SPAG6: variants seen among roughly 807,000 people sequenced by gnomAD.
SPAG6 encodes sperm-associated antigen 6.
A neutral mutation model predicts 58.5 loss-of-function variants in SPAG6; 49 were observed. That is an observed-to-expected ratio of 0.84 (90% CI 0.67 to 1.06). The LOEUF (loss-of-function observed/expected upper bound fraction) is 1.06, where lower values mean the gene tolerates loss of function less well. Among genes scored for constraint, SPAG6 ranks in the 50% least tolerant of loss-of-function variants. The pLI is 0.00. For missense variants in SPAG6, 560 were observed against 611.3 expected, an observed-to-expected ratio of 0.92 and a Z score of 0.89; for synonymous variants, 233 against 225.6, an observed-to-expected ratio of 1.03 and a Z score of -0.29.
At chr10:22,376,335 CA>C (rs1193198086) in intron 4 of SPAG6, among the ~76,000 whole-genome samples, 3 of 152,010 alleles carry the variant, frequency 2.0e-5, no homozygotes, top group African/African-American at 7.2e-5. Flanking sequence ...ATATTGATTG[CA>C]TGTTGAAATT....
At chr10:22,373,674 G>A (rs1027986443) in intron 4 of SPAG6, among the ~76,000 whole-genome samples, 13 of 152,134 alleles carry the variant, frequency 8.5e-5, no homozygotes, top group African/African-American at 1.2e-4. Context: ...CTTTACTGAC[G>A]CCTATAGATT....
rs1834407338 is a variant in SPAG6 at position 22,401,250 on chromosome 10, G to A, written c.1287G>A (p.Leu429=). The A allele has an allele frequency of 1.3e-6, 2 of 1,585,878 alleles. No homozygotes were observed. Among genetic ancestry groups the A allele is most frequent in the South Asian group, 2.2e-5 (2 of 90,342 alleles). ...PFLYDAPPNI[L]KHVVGQFSKV... ...TATATGATGCTCCTCCCAATATTCT[G>A]AAACATGTGGTTGGACAGTTCAGTA... The change falls in exon 9 of 11, where the codon CTG becomes CTA. Residue 429 remains leucine, a synonymous_variant. Coordinates refer to ENST00000376624, the MANE Select transcript of SPAG6 (RefSeq NM_012443.4).
intron 2 of SPAG6, among the ~76,000 whole-genome samples, chr10:22,352,197 G>A (rs1297956012): frequency 1.3e-5 from 2 of 151,764 alleles, no homozygotes; most frequent in Non-Finnish European, 2.9e-5. Flanking sequence ...AGTGATATGT[G>A]TGTGTGCGTG....
chr10:22,415,830 T>A (rs1834854282), intron 10 of SPAG6, among the ~76,000 whole-genome samples: 1 of 152,160 alleles, frequency 6.6e-6, no homozygotes, highest in Non-Finnish European at 1.5e-5. Context: ...TTCCATAGAT[T>A]TAAAAAATTA....
intron 2 of SPAG6, among the ~76,000 whole-genome samples, chr10:22,346,482 TTC>T (rs1198731982): frequency 2.9e-5 from 4 of 139,796 alleles, no homozygotes; most frequent in African/African-American, 1.3e-4. Flanking sequence ...CTTCTTCTTC[TTC>T]TTCTTCTTCT....
Position 22,386,868 on chromosome 10 carries a change from A to G in SPAG6, c.587A>G (p.Lys196Arg). Reference protein sequence around the residue: ...IAASALSDIAKHSPELAQTVV... With the variant: ...IAASALSDIARHSPELAQTVV... ...GCTTCGGCCCTCAGTGATATTGCAA[A>G]GCATTCTCCAGAGTTAGCACAGACA... Residue 196 changes from lysine to arginine, a missense_variant, in exon 5 of 11, where the codon AAG becomes AGG. Coordinates refer to ENST00000376624, the MANE Select transcript of SPAG6 (RefSeq NM_012443.4). The G allele has an allele frequency of 6.2e-7, 1 of 1,613,778 alleles. No homozygotes were observed. The highest frequency in any genetic ancestry group is 1.7e-5 in the Admixed American group (1 of 59,962).
chr10:22,374,103 ATCT>A (rs1291713288), intron 4 of SPAG6, among the ~76,000 whole-genome samples: 4 of 152,190 alleles, frequency 2.6e-5, no homozygotes, highest in Non-Finnish European at 5.9e-5. Flanking sequence ...GGCTAATAAA[ATCT>A]TCTAATTTTT....
chr10:22,405,844 C>A (rs1396920507), intron 9 of SPAG6, among the ~76,000 whole-genome samples: 3 of 152,216 alleles, frequency 2.0e-5, no homozygotes, highest in Non-Finnish European at 4.4e-5. Context: ...AGAGATTCAA[C>A]TTCTTCCTGG....
chr10:22,371,933 CA>C (rs1833709506), intron 4 of SPAG6, among the ~76,000 whole-genome samples: 1 of 151,890 alleles, frequency 6.6e-6, no homozygotes, highest in Non-Finnish European at 1.5e-5. Context: ...CAACTGTGTA[CA>C]AATCATATCA....
chr10:22,413,708 T>TATATATATATATATATATATA (rs1564384103), intron 10 of SPAG6, among the ~76,000 whole-genome samples: 2 of 150,784 alleles, frequency 1.3e-5, no homozygotes, highest in African/African-American at 5.0e-5. Flanking sequence ...TATATATATA[T>TATATATATATATATATATATA]TTCACCCACA....
intron 2 of SPAG6, among the ~76,000 whole-genome samples, chr10:22,355,496 G>A (rs960429244): frequency 1.3e-5 from 2 of 152,152 alleles, no homozygotes; most frequent in Admixed American, 6.5e-5. Flanking sequence ...TATAGCTAAT[G>A]AGAATAAATT....
At chr10:22,368,765 C>A in intron 4 of SPAG6, 87 bp downstream of exon 4, 1 of 1,020,040 alleles carries the variant, frequency 9.8e-7, no homozygotes. Context: ...CTTAGTAAAA[C>A]ATAGGTGGGG....
chr10:22,371,141 G>T (rs1184347678), intron 4 of SPAG6, among the ~76,000 whole-genome samples: 1 of 152,178 alleles, frequency 6.6e-6, no homozygotes, highest in Non-Finnish European at 1.5e-5. Flanking sequence ...GAAGCTCCCA[G>T]AAGAGATTAT....
intron 2 of SPAG6, among the ~76,000 whole-genome samples, chr10:22,349,646 TG>T (rs1282476002): frequency 6.6e-6 from 1 of 152,202 alleles, no homozygotes; most frequent in Non-Finnish European, 1.5e-5. Context: ...TTTATATAAG[TG>T]GGGTAAAGTT....
In SPAG6 at chr10:22,391,751, G is replaced by A; in HGVS notation, c.1028G>A (p.Cys343Tyr). 1 of 1,613,442 alleles carries A rather than the reference G, an allele frequency of 6.2e-7. No homozygotes were observed. Among genetic ancestry groups the A allele is most frequent in the African/African-American group, 1.3e-5 (1 of 74,968 alleles). Residue 343 changes from cysteine (C) to tyrosine (Y), a missense_variant, in exon 8 of 11, where the codon TGC (cysteine) becomes TAC (tyrosine). Cys to Tyr is a radical substitution (Grantham distance 194). Coordinates refer to ENST00000376624, the MANE Select transcript of SPAG6 (RefSeq NM_012443.4). ...CAGGGTGTACCCCAGTTGTCAGTCT[G>A]CTTGTCAGAAGAACCGGAAGATCAT... The part of the protein sequence containing the change: ...ISKGVPQLSV[C>Y]LSEEPEDHIK...
At chr10:22,348,797 T>G (rs1002190399) in intron 2 of SPAG6, among the ~76,000 whole-genome samples, 2 of 152,344 alleles carry the variant, frequency 1.3e-5, no homozygotes, top group Admixed American at 6.5e-5. Context: ...GCAAGATCTT[T>G]TCTTCAGAGT....
intron 8 of SPAG6, among the ~76,000 whole-genome samples, chr10:22,396,569 C>A (rs796175929): frequency 1.3e-5 from 2 of 152,134 alleles, no homozygotes; most frequent in Non-Finnish European, 2.9e-5. Flanking sequence ...TATCAATAAT[C>A]CACTAAGGAA....
chr10:22,349,127 G>T (rs1836647529), intron 2 of SPAG6, among the ~76,000 whole-genome samples: 1 of 152,070 alleles, frequency 6.6e-6, no homozygotes, highest in African/African-American at 2.4e-5. Flanking sequence ...GGGATTAAAG[G>T]CCTGAGCCGC....
Position 22,345,779 on chromosome 10 carries a change from G to A in SPAG6, c.82G>A (p.Ala28Thr). ...GTTCGTGCAGATGGTGGCGGAGCTG[G>A]CGACTAGACCCCAAAACATCGAGAC... The part of the protein sequence containing the change: ...TQFVQMVAEL[A>T]TRPQNIETLQ... The change falls in exon 2 of 11, where the codon GCG (alanine) becomes ACG (threonine). Residue 28 changes from alanine to threonine, a missense_variant. Coordinates refer to ENST00000376624, the MANE Select transcript of SPAG6 (RefSeq NM_012443.4). This position sits in a 1 kb window ranked among gnomAD's most constrained non-coding sequence, Gnocchi z 6.3. 1 of 1,613,724 alleles carries A rather than the reference G, an allele frequency of 6.2e-7. No homozygotes were observed. The highest frequency in any genetic ancestry group is 8.5e-7 in the Non-Finnish European group (1 of 1,179,848).
Sources: allele counts gnomAD v4.1 joint callset (sites outside exome capture counted in the v4.1 genomes callset), GRCh38; gene constraint gnomAD v4.1.1; non-coding constraint Gnocchi (gnomAD v3.1); transcripts MANE v1.5; gene names NCBI Gene and HGNC (gene_info 2026-07-23, HGNC 2026-07-21).